Variants in FPGS observed in about 807,000 individuals in gnomAD.
The protein encoded by FPGS is folylpolyglutamate synthase.
In FPGS, 53 loss-of-function variants were observed where a neutral mutation model predicts 66.5. That is an observed-to-expected ratio of 0.80 (90% CI 0.64 to 1.00). The LOEUF (loss-of-function observed/expected upper bound fraction) is 1.00. FPGS is among the 50% of genes least tolerant of loss of function. The pLI is 0.00. For missense variants in FPGS, 702 were observed against 807.7 expected, an observed-to-expected ratio of 0.87 and a Z score of 1.59; for synonymous variants, 348 against 350.9, an observed-to-expected ratio of 0.99 and a Z score of 0.09.
rs1298479512 is a variant in FPGS, at chr9:127,802,990, A to G, written c.66A>G (p.Ile22Met). The change falls in exon 1 of 15, where the codon ATA becomes ATG. Residue 22 changes from isoleucine to methionine, a missense_variant. Ile to Met is a conservative substitution (Grantham distance 10, BLOSUM62 1). This residue lies in a region of FPGS where 111 missense variants were observed against 95.4 expected (regional missense o/e 1.16). Transcript: ENST00000373247. ...TGGCAGCGGCGTCTGCGCGCGGCATAACGACCCAGGTCGCGGCGCGGCGGG... is the reference window on the plus strand; with the variant it reads ...TGGCAGCGGCGTCTGCGCGCGGCATGACGACCCAGGTCGCGGCGCGGCGGG... Reference protein sequence around the residue: ...LFLAAASARGITTQVAARRGL... With the variant: ...LFLAAASARGMTTQVAARRGL... 6.8e-7 allele frequency: 1 copy of G among 1,464,708 alleles called. No homozygotes were observed. Among genetic ancestry groups the G allele is most frequent in the East Asian group, 3.0e-5 (1 of 33,746 alleles). The allele number at this position is 1,464,708 out of a possible 1,614,324, so 90.7% of individuals were successfully genotyped here.
At chr9:127,811,462 G>A (rs574042876) in intron 14 of FPGS, among the ~76,000 whole-genome samples, 4 of 149,952 alleles carry the variant, frequency 2.7e-5, no homozygotes, top group Admixed American at 6.7e-5. Flanking sequence ...AGGTCTGGGC[G>A]ACAGAGCGAG....
intron 4 of FPGS, chr9:127,804,933 G>A: frequency 2.0e-6 from 1 of 502,912 alleles, no homozygotes; most frequent in Non-Finnish European, 3.6e-6. Flanking sequence ...CTATCGCCCA[G>A]GCTGGAGTAC....
intron 14 of FPGS, among the ~76,000 whole-genome samples, chr9:127,811,896 A>AT (rs1830095644): frequency 6.6e-6 from 1 of 152,164 alleles, no homozygotes; most frequent in African/African-American, 2.4e-5. Flanking sequence ...AGGCATATGT[A>AT]TAAGTATGTG....
rs1830007033 is a variant in FPGS, at chr9:127,810,073, C to G, written c.1254C>G (p.Asp418Glu). 1 of 1,613,180 alleles carries G rather than the reference C, an allele frequency of 6.2e-7. No individual in the cohort carries two copies. The highest frequency in any genetic ancestry group is 2.2e-5 in the East Asian group (1 of 44,828). ...VRVLLFNATG[D>E]RDPAALLKLL... is the part of the protein sequence containing the mutation. Reference sequence around the variant, plus strand: ...TCTTGCTCTTCAATGCTACCGGGGACCGGGACCCGGCGGCCCTGCTGAAGC... The same window carrying G: ...TCTTGCTCTTCAATGCTACCGGGGAGCGGGACCCGGCGGCCCTGCTGAAGC... The change falls in exon 13 of 15, where the codon GAC becomes GAG. Residue 418 changes from aspartate to glutamate, a missense_variant. By Grantham distance (45) the Asp-to-Glu change is conservative (BLOSUM62 2). This residue lies in a region of FPGS where 351 missense variants were observed against 363.7 expected (regional missense o/e 0.97). Transcript: ENST00000373247.
At chr9:127,810,851 T>A in intron 13 of FPGS, 94 bp from the exon 14 acceptor site, 2 of 651,942 alleles carry the variant, frequency 3.1e-6, no homozygotes, top group Non-Finnish European at 5.6e-6. Flanking sequence ...TCAGGGAGGC[T>A]GCATCTCCAG....
chr9:127,804,121 ACT>A (rs1041932569), intron 1 of FPGS, among the ~76,000 whole-genome samples, 162 bp from the exon 2 acceptor site: 1 of 152,114 alleles, frequency 6.6e-6, no homozygotes, highest in Non-Finnish European at 1.5e-5. Flanking sequence ...AAGATGCCAT[ACT>A]CTCTGTTGCT....
rs150503226 is a variant in FPGS, at chr9:127,812,888, C to T, written c.1355-307C>T. Among the ~76,000 whole-genome samples, 433 of 152,298 alleles carry T rather than the reference C, an allele frequency of 2.8e-3. 3 individuals are homozygous for T. Among genetic ancestry groups the T allele is most frequent in the Non-Finnish European group, 4.9e-3 (335 of 68,024 alleles). On this transcript the variant is annotated intron_variant, in intron 14 of 14. Coordinates refer to ENST00000373247, the MANE Select transcript of FPGS (RefSeq NM_004957.6). The stretch of plus-strand genomic sequence containing the variant: ...ACTATGCTCACCTGGTGATGGTCCC[C>T]AGCTGGATGTACATTTTATAGATGG...
intron 14 of FPGS, among the ~76,000 whole-genome samples, chr9:127,812,380 G>T (rs1483401700): frequency 6.6e-6 from 1 of 151,694 alleles, no homozygotes; most frequent in East Asian, 1.9e-4. Context: ...GCCCAGGCTG[G>T]AGTGCAGTGG....
At chr9:127,805,598 T>C (rs900523500) in intron 4 of FPGS, among the ~76,000 whole-genome samples, 41 of 151,860 alleles carry the variant, frequency 2.7e-4, no homozygotes, top group Admixed American at 2.6e-3. Flanking sequence ...ACTTCATCTC[T>C]ATTAAAAAAA....
chr9:127,812,496 A>G (rs1830121232), intron 14 of FPGS, among the ~76,000 whole-genome samples: 1 of 150,054 alleles, frequency 6.7e-6, no homozygotes, highest in Non-Finnish European at 1.5e-5. Flanking sequence ...ACACCCGGCT[A>G]ATTTTTGTTT....
intron 13 of FPGS, among the ~76,000 whole-genome samples, chr9:127,810,552 G>A (rs916000588): frequency 4.6e-5 from 7 of 152,208 alleles, no homozygotes; most frequent in South Asian, 2.1e-4. Flanking sequence ...AGCTGTCAGG[G>A]CTGAAGTGGC....
chr9:127,811,407 G>A (rs920115682), intron 14 of FPGS, among the ~76,000 whole-genome samples: 25 of 152,032 alleles, frequency 1.6e-4, no homozygotes, highest in Non-Finnish European at 3.2e-4. Flanking sequence ...GCGTGAACTC[G>A]GGAGGCGGAG....
rs202073343 is a variant in FPGS, at chr9:127,807,376, C to G, written c.580-45C>G. ...GGGGCTCCCTGCTTCCATGCGGCCTCTGGGCACCCTCATATCCCCTGCCAT... is the reference window on the plus strand; with the variant it reads ...GGGGCTCCCTGCTTCCATGCGGCCTGTGGGCACCCTCATATCCCCTGCCAT... On this transcript the variant is annotated intron_variant, in intron 6 of 14. Transcript: ENST00000373247. The surrounding 1 kb of genome is among the most constrained non-coding windows in gnomAD (Gnocchi z 5.8). The G allele has an allele frequency of 1.0e-4, 164 of 1,612,952 alleles. 1 individual carries two copies. Among genetic ancestry groups the G allele is most frequent in the Non-Finnish European group, 5.9e-6 (7 of 1,179,064 alleles).
rs112925235 is a variant in FPGS at position 127,807,763 on chromosome 9, G to A, written c.744+75G>A. Reference sequence around the variant, plus strand: ...TACGTTTTCATCCTGGCTTCACTGTGTGACTGGAACAAGTTGAGTCTCCTC... The same window carrying A: ...TACGTTTTCATCCTGGCTTCACTGTATGACTGGAACAAGTTGAGTCTCCTC... On this transcript the variant is annotated intron_variant, in intron 8 of 14. Transcript: ENST00000373247. This position sits in a 1 kb window ranked among gnomAD's most constrained non-coding sequence, Gnocchi z 5.8. 1.7e-4 allele frequency: 163 copies of A among 944,156 alleles called. 1 individual carries two copies. The African/African-American group carries it at 2.3e-3, about 13-fold the overall frequency. The allele number at this position is 944,156 out of a possible 1,614,324, so 58.5% of individuals were successfully genotyped here.
intron 14 of FPGS, among the ~76,000 whole-genome samples, chr9:127,811,313 CA>C (rs111868120): frequency 0.026 from 3,772 of 146,314 alleles, 142 homozygotes; most frequent in African/African-American, 0.084. Context: ...CCCGTCTCTA[CA>C]AAAAAAAAAT....
rs1829715698 is a variant in FPGS at position 127,804,117 on chromosome 9, C to T, written c.139-168C>T. Among the ~76,000 whole-genome samples, 3 of 152,224 alleles carry T rather than the reference C, an allele frequency of 2.0e-5. No individual in the cohort carries two copies. In the South Asian group the frequency reaches 6.2e-4, roughly 31 times the overall value. On this transcript the variant is annotated intron_variant, in intron 1 of 14. Coordinates refer to ENST00000373247, the MANE Select transcript of FPGS (RefSeq NM_004957.6). ...CATTTTTGCCAGAGCTGGAAAGATG[C>T]CATACTCTCTGTTGCTTAACCTACA...
chr9:127,810,210 G>C, intron 13 of FPGS, 104 bp downstream of exon 13: 1 of 981,966 alleles, frequency 1.0e-6, no homozygotes, highest in Non-Finnish European at 1.6e-6. Flanking sequence ...GTTGTATTGA[G>C]GATTAGATGT....
At chr9:127,809,438 G>A (rs1046639876) in intron 11 of FPGS, among the ~76,000 whole-genome samples, 6 of 152,184 alleles carry the variant, frequency 3.9e-5, no homozygotes, top group Non-Finnish European at 7.3e-5. Context: ...CCCCAGCTAA[G>A]GGCTCTCAGG....
chr9:127,813,049 G>C, intron 14 of FPGS, 146 bp from the exon 15 acceptor site: 1 of 1,226,118 alleles, frequency 8.2e-7, no homozygotes, highest in Non-Finnish European at 1.1e-6. Flanking sequence ...TGTGTGCATG[G>C]AGAAGGCCAC....
Sources: allele counts gnomAD v4.1 joint callset (sites outside exome capture counted in the v4.1 genomes callset), GRCh38; gene constraint gnomAD v4.1.1; regional missense constraint gnomAD v4.1.1; non-coding constraint Gnocchi (gnomAD v3.1); transcripts MANE v1.5; gene names NCBI Gene and HGNC (gene_info 2026-07-23, HGNC 2026-07-21).